The following AGMO variants were observed in gnomAD, a reference collection of about 807,000 sequenced individuals.
AGMO encodes glyceryl-ether monooxygenase.
A neutral mutation model predicts 60.2 loss-of-function variants in AGMO; 75 were observed. The ratio of observed to expected loss-of-function variants is 1.25; its 90% CI spans 1.03 to 1.51. The LOEUF is 1.51. Among genes scored for constraint, AGMO ranks in the 40% most tolerant of loss-of-function variants. The pLI, the probability that AGMO is intolerant of heterozygous loss-of-function variation, is 0.00. For missense variants in AGMO, 763 were observed against 525.5 expected, an observed-to-expected ratio of 1.45 and a Z score of -4.42; for synonymous variants, 261 against 177.1, an observed-to-expected ratio of 1.47 and a Z score of -3.76.
At chr7:15,163,842 AT>A in the AGMO span, among the ~76,000 whole-genome samples, 1 of 152,092 alleles carries the variant, frequency 6.6e-6, no homozygotes, top group South Asian at 2.1e-4. Context: ...CTTTCACAGA[AT>A]GAGTTAGGGA....
intron 3 of AGMO, among the ~76,000 whole-genome samples, chr7:15,469,912 C>T (rs1345230717): frequency 6.6e-6 from 1 of 151,778 alleles, no homozygotes; most frequent in Admixed American, 6.6e-5. Flanking sequence ...GTCAATTATA[C>T]GTAGGCATAG....
intron 12 of AGMO, among the ~76,000 whole-genome samples, chr7:15,275,199 C>T (rs1175883049): frequency 1.3e-5 from 2 of 151,980 alleles, no homozygotes; most frequent in Non-Finnish European, 2.9e-5. Context: ...TAACCTTTTC[C>T]TCTTAGCACT....
intron 12 of AGMO, among the ~76,000 whole-genome samples, chr7:15,270,230 C>T (rs1010286227): frequency 6.6e-6 from 1 of 152,062 alleles, no homozygotes; most frequent in Non-Finnish European, 1.5e-5. Context: ...TTCCCACCAC[C>T]TTGTAAAAGG....
At chr7:15,297,856 G>C (rs1466384805) in intron 12 of AGMO, among the ~76,000 whole-genome samples, 1 of 152,058 alleles carries the variant, frequency 6.6e-6, no homozygotes, top group Non-Finnish European at 1.5e-5. Flanking sequence ...ATAAATAATA[G>C]ATATTGAACT....
At chr7:15,350,564 CA>C (rs1226068471) in intron 12 of AGMO, among the ~76,000 whole-genome samples, 1 of 152,032 alleles carries the variant, frequency 6.6e-6, no homozygotes, top group Non-Finnish European at 1.5e-5. Context: ...CATTGAGAGT[CA>C]GAGAGAGTAG....
At chr7:15,337,089 G>A (rs779502147) in intron 12 of AGMO, among the ~76,000 whole-genome samples, 3 of 152,160 alleles carry the variant, frequency 2.0e-5, no homozygotes, top group Non-Finnish European at 2.9e-5. Flanking sequence ...ATTTTATCAG[G>A]TTAGCAAAAT....
the AGMO span, among the ~76,000 whole-genome samples, chr7:15,184,156 T>C: frequency 6.6e-6 from 1 of 152,040 alleles, no homozygotes; most frequent in East Asian, 1.9e-4. Context: ...GGAGTGCTCA[T>C]TTGAACTTGA....
At chr7:15,274,934 G>A (rs1563065353) in intron 12 of AGMO, among the ~76,000 whole-genome samples, 2 of 150,772 alleles carry the variant, frequency 1.3e-5, no homozygotes, top group African/African-American at 4.9e-5. Flanking sequence ...TGAATCTTCT[G>A]TTTTTCTTCA....
intron 3 of AGMO, among the ~76,000 whole-genome samples, chr7:15,509,977 T>C (rs1273368219): frequency 6.6e-6 from 1 of 152,148 alleles, no homozygotes; most frequent in East Asian, 1.9e-4. Context: ...GAATGTAAAT[T>C]GGTACAGCCA....
intron 5 of AGMO, among the ~76,000 whole-genome samples, chr7:15,411,327 G>A (rs1780598168): frequency 6.6e-6 from 1 of 151,790 alleles, no homozygotes; most frequent in African/African-American, 2.4e-5. Context: ...ATGATACTTT[G>A]TATTGTTATA....
At chr7:15,541,465 T>TTTTAAA (rs1490272947) in intron 3 of AGMO, among the ~76,000 whole-genome samples, 1 of 152,180 alleles carries the variant, frequency 6.6e-6, no homozygotes, top group Non-Finnish European at 1.5e-5. Flanking sequence ...CAAAGCTACT[T>TTTTAAA]TTTAAATTTA....
At chr7:15,167,776 T>C in the AGMO span, among the ~76,000 whole-genome samples, 1 of 152,208 alleles carries the variant, frequency 6.6e-6, no homozygotes, top group South Asian at 2.1e-4. Flanking sequence ...GCAATAAACA[T>C]TTAAAATTCC....
At chr7:15,500,542 A>C (rs1318552735) in intron 3 of AGMO, among the ~76,000 whole-genome samples, 1 of 151,880 alleles carries the variant, frequency 6.6e-6, no homozygotes, top group East Asian at 1.9e-4. Context: ...GCTTATAGAA[A>C]AGTTTCTAGA....
chr7:15,500,476 G>A (rs1348526515), intron 3 of AGMO, among the ~76,000 whole-genome samples: 1 of 151,756 alleles, frequency 6.6e-6, no homozygotes, highest in Non-Finnish European at 1.5e-5. Flanking sequence ...GAAAATAAGA[G>A]TATCGATTCA....
At chr7:15,260,671 A>T (rs535711666) in intron 12 of AGMO, among the ~76,000 whole-genome samples, 13 of 152,134 alleles carry the variant, frequency 8.5e-5, no homozygotes, top group African/African-American at 1.4e-4. Context: ...AATGGACTTG[A>T]GATATTTACA....
chr7:15,393,681 G>A (rs886676090), intron 6 of AGMO, among the ~76,000 whole-genome samples: 2 of 152,178 alleles, frequency 1.3e-5, no homozygotes, highest in Non-Finnish European at 2.9e-5. Flanking sequence ...TAGGCAGGAA[G>A]GTGAAGTGTT....
intron 3 of AGMO, among the ~76,000 whole-genome samples, chr7:15,446,856 AG>A (rs1384856067): frequency 6.6e-6 from 1 of 152,150 alleles, no homozygotes; most frequent in Non-Finnish European, 1.5e-5. Flanking sequence ...TGTCACTGCT[AG>A]GAAGTGCAAA....
intron 12 of AGMO, among the ~76,000 whole-genome samples, chr7:15,354,309 T>TAC (rs147403658): frequency 0.01 from 681 of 67,158 alleles, 58 homozygotes; most frequent in Non-Finnish European, 0.012. Context: ...TATACGTGTA[T>TAC]ACACGCGTGT....
chr7:15,242,117 C>T (rs1236192905), intron 12 of AGMO, among the ~76,000 whole-genome samples: 2 of 152,254 alleles, frequency 1.3e-5, no homozygotes, highest in African/African-American at 4.8e-5. Context: ...AAATCCCTCT[C>T]TTTTGATTAA....
Sources: allele counts gnomAD v4.1 joint callset (sites outside exome capture counted in the v4.1 genomes callset), GRCh38; gene constraint gnomAD v4.1.1; transcripts MANE v1.5; gene names NCBI Gene and HGNC (gene_info 2026-07-23, HGNC 2026-07-21).